Variants in FOXL3 observed in about 807,000 individuals in gnomAD.
FOXL3 encodes the protein forkhead box protein L3.
Under a neutral mutation model 10.9 loss-of-function variants are expected in FOXL3, and 16 were observed. The ratio of observed to expected loss-of-function variants is 1.46; its 90% CI spans 0.99 to 2.22. The LOEUF (loss-of-function observed/expected upper bound fraction) is 2.22, where lower values mean the gene tolerates loss of function less well. FOXL3 is among the 30% of genes most tolerant of loss of function. The pLI is 0.00. For missense variants in FOXL3, 400 were observed against 337.9 expected (o/e 1.18, Z -1.44); for synonymous variants, 170 against 152.0 (o/e 1.12, Z -0.87).
At chr7:290,606 CG>C (rs1188788581) in intron 1 of FOXL3, 46 bp from the exon 2 acceptor site, 1 of 1,407,456 alleles carries the variant, frequency 7.1e-7, no homozygotes, top group East Asian at 2.6e-5. Flanking sequence ...GGGGGAAGGA[CG>C]GGGGGCTGCC....
rs1778627637 is a variant in FOXL3 at position 290,791 on chromosome 7, C to T, written c.246C>T (p.His82=). Residue 82 remains histidine (H), a synonymous_variant, in exon 2 of 3, where the codon CAC becomes CAT. Transcript: ENST00000506382. ...NQRAWQNSIR[H]NLSLNSCFVK... ...GCGCCTGGCAGAACTCCATCCGCCACAACCTGTCCCTCAACAGCTGCTTCG... is the reference window on the plus strand; with the variant it reads ...GCGCCTGGCAGAACTCCATCCGCCATAACCTGTCCCTCAACAGCTGCTTCG... 1 of 1,519,202 alleles carries T rather than the reference C, an allele frequency of 6.6e-7. No individual in the cohort carries two copies. 94.1% of individuals were successfully genotyped at this position (1,519,202 alleles called of 1,614,324 possible).
chr7:290,397 G>C, intron 1 of FOXL3, 121 bp downstream of exon 1: 1 of 907,502 alleles, frequency 1.1e-6, no homozygotes. Context: ...CTCCGGCGGC[G>C]GAGCTCAGAG....
chr7:291,450 C>A lies in FOXL3; in HGVS notation c.664C>A (p.Arg222=), dbSNP rs147887069. ...PCLAQEGRYP[R]LENVGLHFWT... is the part of the protein sequence containing the mutation. ...CCTCGCACAAGAGGGCAGATACCCGCGGCTGGAGAACGTGGGACTCCACTT... is the reference window on the plus strand; with the variant it reads ...CCTCGCACAAGAGGGCAGATACCCGAGGCTGGAGAACGTGGGACTCCACTT... Residue 222 remains arginine (R), a synonymous_variant, in exon 3 of 3, where the codon CGG becomes AGG. Coordinates refer to ENST00000506382, the MANE Select transcript of FOXL3 (RefSeq NM_001374838.1). 2.4e-3 allele frequency: 2,984 copies of A among 1,240,012 alleles called. 41 individuals are homozygous for A. The African/African-American group carries it at 0.038, about 16-fold the overall frequency. The allele number at this position is 1,240,012 out of a possible 1,614,324, so 76.8% of individuals were successfully genotyped here. A position where few individuals can be genotyped will look rare whatever the true frequency, so the allele number is the denominator to read the frequency against.
chr7:290,295 C>G lies in FOXL3; in HGVS notation c.107+19C>G. 9 of 1,527,088 alleles carry G rather than the reference C, an allele frequency of 5.9e-6. No homozygotes were observed. The highest frequency in any genetic ancestry group is 6.1e-6 in the Non-Finnish European group (7 of 1,138,868). The allele number at this position is 1,527,088 out of a possible 1,614,324, so 94.6% of individuals were successfully genotyped here. ...CGTACAGGTGACTGCGGGGGCGGTG[C>G]TGGGGCTTTGGGGGACAGTGACACC... is the stretch of plus-strand genomic sequence containing the variant. On this transcript the variant is annotated intron_variant, in intron 1 of 2. Coordinates refer to ENST00000506382, the MANE Select transcript of FOXL3 (RefSeq NM_001374838.1).
chr7:290,578 A>G (rs1778619409), intron 1 of FOXL3, 75 bp from the exon 2 acceptor site: 1 of 1,343,496 alleles, frequency 7.4e-7, no homozygotes, highest in African/African-American at 1.5e-5. Context: ...TCTGCGCCCC[A>G]CGGCGTCCTG....
In FOXL3 at chr7:290,180, G is replaced by A. The variant is rs1298111231; in HGVS notation, c.11G>A (p.Ser4Asn). 15 of 1,535,248 alleles carry A rather than the reference G, an allele frequency of 9.8e-6. No individual in the cohort carries two copies. The highest frequency in any genetic ancestry group is 2.0e-5 in the Admixed American group (1 of 50,988). The change falls in exon 1 of 3, where the codon AGC (serine) becomes AAC (asparagine). Residue 4 changes from serine to asparagine, a missense_variant. Ser to Asn is a conservative substitution (Grantham distance 46). Transcript: ENST00000506382. MFD[S>N]SQYPYNCFNY... ...GCCGAGCGCGCCAGGATGTTTGACA[G>A]CTCGCAGTATCCCTACAACTGCTTC...
Position 290,743 on chromosome 7 carries a change from C to T in FOXL3, c.198C>T (p.Phe66=), listed in dbSNP as rs763522019. Residue 66 remains phenylalanine (F), a synonymous_variant, in exon 2 of 3, where the codon TTC becomes TTT. Transcript: ENST00000506382. ...TCTACGACTTCATCATGCGCAAATT[C>T]CCCTATTACCGCGCCAACCAGCGCG... ...SGIYDFIMRK[F]PYYRANQRAW... is the part of the protein sequence containing the mutation. 60 of 1,497,414 alleles carry T rather than the reference C, an allele frequency of 4.0e-5. No individual in the cohort carries two copies. The highest frequency in any genetic ancestry group is 4.7e-5 in the Non-Finnish European group (53 of 1,128,814). The allele number at this position is 1,497,414 out of a possible 1,614,324, so 92.8% of individuals were successfully genotyped here.
Position 290,814 on chromosome 7 carries a change from T to C in FOXL3, c.269T>C (p.Phe90Ser). ...CACAACCTGTCCCTCAACAGCTGCTTCGTCAAGGTGAGCGCCGCCCCCGAC... is the reference window on the plus strand; with the variant it reads ...CACAACCTGTCCCTCAACAGCTGCTCCGTCAAGGTGAGCGCCGCCCCCGAC... ...IRHNLSLNSC[F>S]VKVPRSEGHE... Residue 90 changes from phenylalanine (F) to serine (S), a missense_variant, in exon 2 of 3, where the codon TTC becomes TCC. Physicochemically the swap from Phe to Ser is radical, Grantham distance 155. Coordinates refer to ENST00000506382, the MANE Select transcript of FOXL3 (RefSeq NM_001374838.1). 1 of 1,468,462 alleles carries C rather than the reference T, an allele frequency of 6.8e-7. No homozygotes were observed. The highest frequency in any genetic ancestry group is 9.0e-7 in the Non-Finnish European group (1 of 1,113,578). 91.0% of individuals were successfully genotyped at this position (1,468,462 alleles called of 1,614,324 possible).
At chr7:290,938 CA>C in intron 2 of FOXL3, 117 bp downstream of exon 2, 1 of 1,280,432 alleles carries the variant, frequency 7.8e-7, no homozygotes, top group Non-Finnish European at 9.9e-7. Flanking sequence ...GTCCTCAGCC[CA>C]CGGGGCCGCC....
chr7:291,410 G>A lies in FOXL3; in HGVS notation c.624G>A (p.Gly208=). Residue 208 remains glycine (G), a synonymous_variant, in exon 3 of 3, where the codon GGG becomes GGA. Transcript: ENST00000506382. ...TGTCCTCCCCAGACCCCTTCCCTGG[G>A]CTCAAGCCGCCCTGCCTCGCACAAG... ...YILSSPDPFP[G]LKPPCLAQEG... The A allele has an allele frequency of 7.9e-7, 1 of 1,271,384 alleles. No individual in the cohort carries two copies. The highest frequency in any genetic ancestry group is 9.9e-7 in the Non-Finnish European group (1 of 1,007,030). 78.8% of individuals were successfully genotyped at this position (1,271,384 alleles called of 1,614,324 possible).
Position 291,394 on chromosome 7 carries a change from C to A in FOXL3, c.608C>A (p.Pro203Gln), listed in dbSNP as rs1778646290. ...KFSIDYILSS[P>Q]DPFPGLKPPC... ...AGCATCGACTACATCCTGTCCTCCC[C>A]AGACCCCTTCCCTGGGCTCAAGCCG... The change falls in exon 3 of 3, where the codon CCA (proline) becomes CAA (glutamine). Residue 203 changes from proline (P) to glutamine (Q), a missense_variant. Coordinates refer to ENST00000506382, the MANE Select transcript of FOXL3 (RefSeq NM_001374838.1). 1 of 1,288,090 alleles carries A rather than the reference C, an allele frequency of 7.8e-7. No individual in the cohort carries two copies. The highest frequency in any genetic ancestry group is 9.8e-7 in the Non-Finnish European group (1 of 1,015,916). The allele number at this position is 1,288,090 out of a possible 1,614,324, so 79.8% of individuals were successfully genotyped here. A position where few individuals can be genotyped will look rare whatever the true frequency, so the allele number is the denominator to read the frequency against.
In FOXL3 at chr7:291,094, A is replaced by G. The variant is rs779757695; in HGVS notation, c.308A>G (p.Lys103Arg). ...VPRSEGHEKG[K>R]GNYWTFAGGC... ...CGGTCCGAGGGCCACGAGAAGGGCA[A>G]AGGCAACTACTGGACGTTCGCGGGC... The change falls in exon 3 of 3, where the codon AAA (lysine) becomes AGA (arginine). Residue 103 changes from lysine (K) to arginine (R), a missense_variant. Coordinates refer to ENST00000506382, the MANE Select transcript of FOXL3 (RefSeq NM_001374838.1). 224 of 1,422,226 alleles carry G rather than the reference A, an allele frequency of 1.6e-4. No homozygotes were observed. Among genetic ancestry groups the G allele is most frequent in the Admixed American group, 1.4e-3 (48 of 35,248 alleles). The allele number at this position is 1,422,226 out of a possible 1,614,324, so 88.1% of individuals were successfully genotyped here.
Position 291,174 on chromosome 7 carries a change from CG to C in FOXL3, c.390del (p.Arg131GlyfsTer?). The C allele has an allele frequency of 7.9e-7, 1 of 1,272,828 alleles. No homozygotes were observed. Among genetic ancestry groups the C allele is most frequent in the South Asian group, 2.3e-5 (1 of 43,598 alleles). 78.8% of individuals were successfully genotyped at this position (1,272,828 alleles called of 1,614,324 possible). A position where few individuals can be genotyped will look rare whatever the true frequency, so the allele number is the denominator to read the frequency against. The stretch of plus-strand genomic sequence containing the variant: ...GAACGGCAACTACCGGCGGCGGCGG[CG>C]GCGGCGCGGCCCCAAGCGCGAGGGG... ...FENGNYRRRRRRRGPKREGPR... is the reference protein window; with the variant it reads ...FENGNYRRRRXRRGPKREGPR... On this transcript the variant is annotated frameshift_variant, in exon 3 of 3. Coordinates refer to ENST00000506382, the MANE Select transcript of FOXL3 (RefSeq NM_001374838.1). LOFTEE classifies it low-confidence loss of function (END_TRUNC).
In FOXL3 at chr7:291,404, C is replaced by T; in HGVS notation, c.618C>T (p.Phe206=). 9 of 1,276,274 alleles carry T rather than the reference C, an allele frequency of 7.1e-6. No homozygotes were observed. Among genetic ancestry groups the T allele is most frequent in the Non-Finnish European group, 8.9e-6 (9 of 1,009,668 alleles). 79.1% of individuals were successfully genotyped at this position (1,276,274 alleles called of 1,614,324 possible). A position where few individuals can be genotyped will look rare whatever the true frequency, so the allele number is the denominator to read the frequency against. The stretch of plus-strand genomic sequence containing the variant: ...ACATCCTGTCCTCCCCAGACCCCTT[C>T]CCTGGGCTCAAGCCGCCCTGCCTCG... ...IDYILSSPDP[F]PGLKPPCLAQ... Residue 206 remains phenylalanine (F), a synonymous_variant, in exon 3 of 3, where the codon TTC becomes TTT. Transcript: ENST00000506382.
Position 291,392 on chromosome 7 carries a change from C to T in FOXL3, c.606C>T (p.Ser202=). The T allele has an allele frequency of 7.8e-7, 1 of 1,289,128 alleles. No individual in the cohort carries two copies. Among genetic ancestry groups the T allele is most frequent in the South Asian group, 2.5e-5 (1 of 39,760 alleles). The allele number at this position is 1,289,128 out of a possible 1,614,324, so 79.9% of individuals were successfully genotyped here. ...LKFSIDYILS[S]PDPFPGLKPP... is the part of the protein sequence containing the mutation. Reference sequence around the variant, plus strand: ...TCAGCATCGACTACATCCTGTCCTCCCCAGACCCCTTCCCTGGGCTCAAGC... The same window carrying T: ...TCAGCATCGACTACATCCTGTCCTCTCCAGACCCCTTCCCTGGGCTCAAGC... Residue 202 remains serine, a synonymous_variant, in exon 3 of 3, where the codon TCC becomes TCT. Coordinates refer to ENST00000506382, the MANE Select transcript of FOXL3 (RefSeq NM_001374838.1).
rs1277416531 is a variant in FOXL3, at chr7:291,390, TC to T, written c.608del (p.Pro203GlnfsTer?). 3.1e-6 allele frequency: 4 copies of T among 1,289,546 alleles called. No homozygotes were observed. The highest frequency in any genetic ancestry group is 3.9e-6 in the Non-Finnish European group (4 of 1,016,804). The allele number at this position is 1,289,546 out of a possible 1,614,324, so 79.9% of individuals were successfully genotyped here. On this transcript the variant is annotated frameshift_variant, in exon 3 of 3. Coordinates refer to ENST00000506382, the MANE Select transcript of FOXL3 (RefSeq NM_001374838.1). LOFTEE classifies it low-confidence loss of function (END_TRUNC). The part of the protein sequence containing the change: ...LKFSIDYILS[S>X]PDPFPGLKPP... ...GTTCAGCATCGACTACATCCTGTCCTCCCCAGACCCCTTCCCTGGGCTCAAG... is the reference window on the plus strand; with the variant it reads ...GTTCAGCATCGACTACATCCTGTCCTCCCAGACCCCTTCCCTGGGCTCAAG...
intron 2 of FOXL3, 104 bp from the exon 3 acceptor site, chr7:290,959 G>T (rs1424754899): frequency 5.5e-6 from 7 of 1,275,812 alleles, no homozygotes; most frequent in Non-Finnish European, 7.0e-6. Flanking sequence ...CTCCACCTGC[G>T]CAGTGCGCCA....
rs982050857 is a variant in FOXL3 at position 291,439 on chromosome 7, G to A, written c.653G>A (p.Gly218Asp). 3.2e-6 allele frequency: 4 copies of A among 1,242,084 alleles called. No homozygotes were observed. Among genetic ancestry groups the A allele is most frequent in the Non-Finnish European group, 3.0e-6 (3 of 992,356 alleles). The allele number at this position is 1,242,084 out of a possible 1,614,324, so 76.9% of individuals were successfully genotyped here. Residue 218 changes from glycine to aspartate, a missense_variant, in exon 3 of 3, where the codon GGC (glycine) becomes GAC (aspartate). Transcript: ENST00000506382. ...AAGCCGCCCTGCCTCGCACAAGAGG[G>A]CAGATACCCGCGGCTGGAGAACGTG... The part of the protein sequence containing the change: ...GLKPPCLAQE[G>D]RYPRLENVGL...
Position 290,599 on chromosome 7 carries a change from G to T in FOXL3, c.108-54G>T, listed in dbSNP as rs1476997535. The T allele has an allele frequency of 1.2e-5, 17 of 1,405,628 alleles. No homozygotes were observed. The South Asian group carries it at 2.1e-4, about 17-fold the overall frequency. 87.1% of individuals were successfully genotyped at this position (1,405,628 alleles called of 1,614,324 possible). On this transcript the variant is annotated intron_variant, in intron 1 of 2. Transcript: ENST00000506382. ...CCCCACGGCGTCCTGCGGGATGGGG[G>T]GAAGGACGGGGGGCTGCCCGGTGGA...
Sources: gnomAD v4.1 joint callset for allele counts on GRCh38, gnomAD v4.1.1 for gene constraint, MANE v1.5 for transcripts, NCBI Gene and HGNC (gene_info 2026-07-23, HGNC 2026-07-21) for gene names.